RELN: variants seen among roughly 807,000 people sequenced by gnomAD.
RELN encodes the protein reelin.
In RELN, 108 loss-of-function variants were observed where a neutral mutation model predicts 427.6. The observed-to-expected ratio is 0.25, with a 90% confidence interval of 0.22 to 0.30. RELN has a LOEUF of 0.30. Among genes scored for constraint, RELN ranks in the 10% least tolerant of loss-of-function variants. The probability of loss-of-function intolerance (pLI) is 1.00; values close to 1 mark genes in which losing one functional copy is unlikely to be tolerated. For synonymous variants in RELN, 1,524 were observed against 1,513.4 expected (o/e 1.01, Z -0.16); for missense variants, 3,715 against 4,302.8 (o/e 0.86, Z 3.82).
chr7:103,485,116 T>C (rs1828384075), intron 61 of RELN, among the ~76,000 whole-genome samples: 1 of 150,856 alleles, frequency 6.6e-6, no homozygotes, highest in Non-Finnish European at 1.5e-5. Context: ...ATGCATAAAC[T>C]AATTGAAAAC....
At chr7:103,717,782 G>GA (rs933944614) in intron 8 of RELN, among the ~76,000 whole-genome samples, 32 of 149,518 alleles carry the variant, frequency 2.1e-4, no homozygotes, top group African/African-American at 6.4e-4. Context: ...AGTGATTCTG[G>GA]AAAAAAAAAT....
At chr7:103,687,438 C>G (rs1030878577) in intron 10 of RELN, among the ~76,000 whole-genome samples, 1 of 152,036 alleles carries the variant, frequency 6.6e-6, no homozygotes, top group African/African-American at 2.4e-5. Flanking sequence ...TTGGCATCTC[C>G]GAGCCTCTGT....
chr7:103,508,085 A>G (rs897323136), intron 51 of RELN, among the ~76,000 whole-genome samples: 1 of 152,220 alleles, frequency 6.6e-6, no homozygotes, highest in African/African-American at 2.4e-5. Flanking sequence ...GTGGATTCAC[A>G]GCTGTATTCT....
Position 103,573,050 on chromosome 7 carries a change from TG to T in RELN, c.4512-791del, listed in dbSNP as rs1381440880. ...GCCTCTTGGGCCCAAGCGATCCTCC[TG>T]CCTCAGCCTCCTGAGTAGCTGGAAC... On this transcript the variant is annotated intron_variant, in intron 30 of 64. Coordinates refer to ENST00000428762, the MANE Select transcript of RELN (RefSeq NM_005045.4). This position sits in a 1 kb window ranked among gnomAD's most constrained non-coding sequence, Gnocchi z 4.4. Among the ~76,000 whole-genome samples the T allele has an allele frequency of 9.2e-5, 14 of 152,296 alleles. No individual in the cohort carries two copies. The highest frequency in any genetic ancestry group is 5.2e-4 in the Admixed American group (8 of 15,298).
At chr7:103,841,225 T>C (rs527996262) in intron 2 of RELN, among the ~76,000 whole-genome samples, 14 of 152,332 alleles carry the variant, frequency 9.2e-5, no homozygotes, top group African/African-American at 3.1e-4. Flanking sequence ...TTCTTTTGCA[T>C]ATTGTGTACA....
intron 1 of RELN, among the ~76,000 whole-genome samples, chr7:103,940,633 C>G (rs560871157): frequency 5.2e-4 from 79 of 152,288 alleles, no homozygotes; most frequent in Non-Finnish European, 9.6e-4. Context: ...CAGGGCTGGC[C>G]TGGGAGCACC....
chr7:103,597,281 G>C (rs1252855793), intron 24 of RELN, among the ~76,000 whole-genome samples: 3 of 152,128 alleles, frequency 2.0e-5, no homozygotes, highest in Admixed American at 1.3e-4. Context: ...AGTAGACCAG[G>C]CAACGTAGAA....
At chr7:103,504,107 G>C (rs1047399174) in intron 51 of RELN, among the ~76,000 whole-genome samples, 3 of 152,240 alleles carry the variant, frequency 2.0e-5, no homozygotes, top group African/African-American at 7.2e-5. Flanking sequence ...AGGAGCCTGA[G>C]GCAGGAGAAT....
chr7:103,806,797 A>G (rs1792611467), intron 3 of RELN, among the ~76,000 whole-genome samples: 1 of 152,200 alleles, frequency 6.6e-6, no homozygotes, highest in African/African-American at 2.4e-5. Context: ...AACTAAATCC[A>G]TTAGAGTCAG....
At chr7:103,595,115 A>T (rs755719358) in intron 25 of RELN, among the ~76,000 whole-genome samples, 3 of 152,240 alleles carry the variant, frequency 2.0e-5, no homozygotes, top group Admixed American at 6.5e-5. Context: ...GTAATTTTTC[A>T]TCACAAAGAC....
chr7:103,986,460 A>G (rs1054879146), intron 1 of RELN, among the ~76,000 whole-genome samples: 7 of 152,172 alleles, frequency 4.6e-5, no homozygotes, highest in Admixed American at 2.6e-4. Flanking sequence ...ACATACAGGG[A>G]CCTATAATTG....
chr7:103,519,892 T>C (rs1288574278), intron 48 of RELN, among the ~76,000 whole-genome samples: 1 of 152,148 alleles, frequency 6.6e-6, no homozygotes, highest in Admixed American at 6.5e-5. Flanking sequence ...CACATAGTAT[T>C]GTGGCACTGA....
chr7:103,948,147 T>C (rs1239545822), intron 1 of RELN, among the ~76,000 whole-genome samples: 1 of 152,224 alleles, frequency 6.6e-6, no homozygotes, highest in African/African-American at 2.4e-5. Flanking sequence ...ATTATAATCA[T>C]TAATGCAATA....
intron 8 of RELN, among the ~76,000 whole-genome samples, chr7:103,702,015 C>G (rs1324092825): frequency 6.6e-6 from 1 of 152,168 alleles, no homozygotes; most frequent in Non-Finnish European, 1.5e-5. Context: ...ATTGCCAGAA[C>G]TGGCAATGTA....
chr7:103,885,765 T>C (rs1160892454), intron 2 of RELN, among the ~76,000 whole-genome samples: 3 of 152,282 alleles, frequency 2.0e-5, no homozygotes, highest in Admixed American at 6.5e-5. Context: ...TGCTCCATCA[T>C]AGTTCACACT....
intron 8 of RELN, among the ~76,000 whole-genome samples, chr7:103,708,064 C>A (rs1834244466): frequency 6.6e-6 from 1 of 152,168 alleles, no homozygotes; most frequent in Admixed American, 6.5e-5. Context: ...CTAGGAACTA[C>A]TTTACCTAAT....
chr7:103,497,009 A>G (rs1332130872), intron 55 of RELN, among the ~76,000 whole-genome samples: 1 of 152,260 alleles, frequency 6.6e-6, no homozygotes, highest in Non-Finnish European at 1.5e-5. Context: ...TGAAGTAAAA[A>G]TAAGTTATGT....
At position 103,661,345 on chromosome 7, in the gene RELN, C is replaced by T. The variant is rs201164798; in HGVS notation, c.1441+31G>A. On this transcript the variant is annotated intron_variant, in intron 12 of 64. Coordinates refer to ENST00000428762, the MANE Select transcript of RELN (RefSeq NM_005045.4). ...AGGTGCTGGCCTAGGATTTGCCCCA[C>T]GGTGAACAAAGTTTGTGAAAATGTA... The T allele has an allele frequency of 1.6e-4, 256 of 1,611,280 alleles. 4 individuals are homozygous for T. The South Asian group carries it at 2.1e-3, about 13-fold the overall frequency.
Position 103,942,890 on chromosome 7 carries a change from C to T in RELN, c.227-25705G>A, listed in dbSNP as rs183627248. ...TTGCGCCACTGCACTGCAGCCTGGGCGACAGAGCAAGACTCCATCTCAGAA... is the reference window on the plus strand; with the variant it reads ...TTGCGCCACTGCACTGCAGCCTGGGTGACAGAGCAAGACTCCATCTCAGAA... On this transcript the variant is annotated intron_variant, in intron 1 of 64. Transcript: ENST00000428762. 7.9e-4 allele frequency among the ~76,000 whole-genome samples: 119 copies of T among 150,346 alleles called. 1 individual carries two copies. The East Asian group carries it at 0.018, about 23-fold the overall frequency.
Sources: gnomAD v4.1 joint callset for allele counts (sites outside exome capture counted in the v4.1 genomes callset) on GRCh38, gnomAD v4.1.1 for gene constraint, Gnocchi (gnomAD v3.1) non-coding constraint, MANE v1.5 for transcripts, NCBI Gene and HGNC (gene_info 2026-07-23, HGNC 2026-07-21) for gene names.